RORB: variants seen among roughly 807,000 people sequenced by gnomAD.
The protein encoded by RORB is RAR related orphan receptor B.
RORB carries 6 observed loss-of-function variants against 59.1 expected under a neutral mutation model. The observed-to-expected ratio is 0.10, with a 90% CI of 0.06 to 0.20. The LOEUF is 0.20. Ranked by LOEUF, RORB falls within the 10% of genes least tolerant of loss-of-function variation. The probability of loss-of-function intolerance (pLI) is 1.00; values close to 1 mark genes in which losing one functional copy is unlikely to be tolerated. For missense variants in RORB, 320 were observed against 560.5 expected, an observed-to-expected ratio of 0.57 and a Z score of 4.33; for synonymous variants, 215 against 204.5, an observed-to-expected ratio of 1.05 and a Z score of -0.44.
intron 9 of RORB, among the ~76,000 whole-genome samples, chr9:74,682,027 C>T (rs537389234): frequency 2.6e-5 from 4 of 152,158 alleles, no homozygotes; most frequent in African/African-American, 9.6e-5. Context: ...CCATGTCCTT[C>T]GACTGAAAAG....
At chr9:74,535,129 T>C (rs932271706) in intron 1 of RORB, among the ~76,000 whole-genome samples, 2 of 148,222 alleles carry the variant, frequency 1.3e-5, no homozygotes, top group Non-Finnish European at 3.0e-5. Flanking sequence ...AACTGCAGTC[T>C]TTCCCAGAGC....
chr9:74,499,966 C>G (rs1825784216), intron 1 of RORB, among the ~76,000 whole-genome samples: 2 of 152,184 alleles, frequency 1.3e-5, no homozygotes, highest in Admixed American at 6.5e-5. Context: ...GTAGCTTGAT[C>G]TAGCATCTCC....
intron 1 of RORB, chr9:74,630,081 T>C: frequency 4.1e-6 from 1 of 242,732 alleles, no homozygotes; most frequent in Non-Finnish European, 6.6e-6. Flanking sequence ...CGAAGCAAAC[T>C]GTGGCAGAGA....
chr9:74,547,865 G>GT (rs1826525068), intron 1 of RORB, among the ~76,000 whole-genome samples: 1 of 152,182 alleles, frequency 6.6e-6, no homozygotes, highest in Non-Finnish European at 1.5e-5. Context: ...TATCTGACAT[G>GT]TTTTTTAAAA....
intron 1 of RORB, among the ~76,000 whole-genome samples, chr9:74,612,016 C>A (rs186226385): frequency 1.3e-5 from 2 of 152,054 alleles, no homozygotes; most frequent in African/African-American, 4.8e-5. Context: ...GGGTTTTATG[C>A]CTAAGGAGCT....
intron 1 of RORB, among the ~76,000 whole-genome samples, chr9:74,548,485 G>A (rs931793447): frequency 1.3e-5 from 2 of 152,130 alleles, no homozygotes; most frequent in African/African-American, 4.8e-5. Flanking sequence ...TTATCCCATG[G>A]AATTCACTAC....
chr9:74,581,741 C>T (rs563889198), intron 1 of RORB, among the ~76,000 whole-genome samples: 15 of 152,188 alleles, frequency 9.9e-5, no homozygotes, highest in African/African-American at 3.1e-4. Context: ...AAACTGATTC[C>T]CCCCTGAGAA....
chr9:74,526,221 T>G (rs1426070202), intron 1 of RORB, among the ~76,000 whole-genome samples: 1 of 151,918 alleles, frequency 6.6e-6, no homozygotes, highest in Non-Finnish European at 1.5e-5. Flanking sequence ...CACTTTCACT[T>G]TCACAAAAAC....
intron 1 of RORB, among the ~76,000 whole-genome samples, chr9:74,593,161 C>T (rs976593767): frequency 6.6e-6 from 1 of 152,036 alleles, no homozygotes; most frequent in Non-Finnish European, 1.5e-5. Flanking sequence ...AAAACCATGA[C>T]TTGATTAAAA....
chr9:74,688,688 G>C lies in RORB; in HGVS notation c.*3070G>C, dbSNP rs997114803. ...AATATGTTGCTGAGAGCACCTCTCT[G>C]ACAAGGCTTTCAGACCAACAAGCAG... On this transcript the variant is annotated 3_prime_UTR_variant, in exon 10 of 10. Transcript: ENST00000376896. 3.3e-5 allele frequency: 5 copies of C among 152,144 alleles called. No homozygotes were observed. The highest frequency in any genetic ancestry group is 1.2e-4 in the African/African-American group (5 of 41,424). The allele number at this position is 152,144 out of a possible 1,614,324, so 9.4% of individuals were successfully genotyped here.
At chr9:74,609,976 T>C (rs79515908) in intron 1 of RORB, among the ~76,000 whole-genome samples, 3,384 of 152,308 alleles carry the variant, frequency 0.022, 62 homozygotes, top group Middle Eastern at 0.048. Flanking sequence ...AAAATATCAA[T>C]GACAAGCATA....
chr9:74,608,691 G>T (rs1563951564), intron 1 of RORB, among the ~76,000 whole-genome samples: 5 of 151,984 alleles, frequency 3.3e-5, no homozygotes, highest in Non-Finnish European at 5.9e-5. Context: ...ACTGTGAATG[G>T]TTTTTATAAC....
intron 1 of RORB, among the ~76,000 whole-genome samples, chr9:74,575,871 G>C (rs1420933682): frequency 6.6e-6 from 1 of 152,110 alleles, no homozygotes; most frequent in African/African-American, 2.4e-5. Context: ...ATGAGATAAT[G>C]CATGTAAAAG....
chr9:74,523,052 T>C (rs1826104761), intron 1 of RORB, among the ~76,000 whole-genome samples: 1 of 151,878 alleles, frequency 6.6e-6, no homozygotes, highest in Non-Finnish European at 1.5e-5. Context: ...TTGTTATCTG[T>C]TGATTCTCTC....
At chr9:74,616,854 A>T (rs1823320628) in intron 1 of RORB, among the ~76,000 whole-genome samples, 1 of 152,156 alleles carries the variant, frequency 6.6e-6, no homozygotes, top group Non-Finnish European at 1.5e-5. Flanking sequence ...ACACAGACAC[A>T]CACACAATTC....
intron 1 of RORB, among the ~76,000 whole-genome samples, chr9:74,566,970 T>C (rs546402445): frequency 2.6e-5 from 4 of 152,254 alleles, no homozygotes; most frequent in African/African-American, 9.6e-5. Context: ...TTCTGTGGGT[T>C]TTGGTTTTCC....
At chr9:74,514,645 G>A (rs1825983766) in intron 1 of RORB, among the ~76,000 whole-genome samples, 1 of 148,738 alleles carries the variant, frequency 6.7e-6, no homozygotes, top group African/African-American at 2.5e-5. Context: ...CTTAAAATAT[G>A]CTAAATGATA....
intron 1 of RORB, among the ~76,000 whole-genome samples, chr9:74,500,202 G>A (rs925835049): frequency 6.6e-5 from 10 of 152,142 alleles, no homozygotes; most frequent in African/African-American, 2.4e-4. Flanking sequence ...AGGGGAATGC[G>A]CTGGAGAAAA....
At chr9:74,632,753 C>G (rs2118425675) in intron 2 of RORB, among the ~76,000 whole-genome samples, 1 of 152,166 alleles carries the variant, frequency 6.6e-6, no homozygotes, top group East Asian at 1.9e-4. Flanking sequence ...CCACACAATT[C>G]TGTCTTAAAA....
Sources: allele counts gnomAD v4.1 joint callset (sites outside exome capture counted in the v4.1 genomes callset), GRCh38; gene constraint gnomAD v4.1.1; transcripts MANE v1.5; gene names NCBI Gene and HGNC (gene_info 2026-07-23, HGNC 2026-07-21).